Variants in UNC80 observed in about 807,000 individuals in gnomAD.
UNC80 encodes the protein unc-80 subunit of NALCN channel complex.
Under a neutral mutation model 384.6 loss-of-function variants are expected in UNC80, and 164 were observed. That is an observed-to-expected ratio of 0.43 (90% CI 0.38 to 0.49). UNC80 has a LOEUF of 0.49. Ranked by LOEUF, UNC80 falls within the 20% of genes least tolerant of loss-of-function variation. The pLI is 0.00. For synonymous variants in UNC80, 1,486 were observed against 1,527.8 expected (o/e 0.97, Z 0.64); for missense variants, 3,330 against 4,143.0 (o/e 0.80, Z 5.39).
chr2:209,884,932 A>C (rs1458298742), intron 25 of UNC80, among the ~76,000 whole-genome samples: 2 of 152,122 alleles, frequency 1.3e-5, no homozygotes, highest in Admixed American at 6.6e-5. Flanking sequence ...ATCGGGATAA[A>C]TAGCTAATGC....
At chr2:209,913,091 A>G in intron 30 of UNC80, among the ~76,000 whole-genome samples, 1 of 152,232 alleles carries the variant, frequency 6.6e-6, no homozygotes, top group East Asian at 1.9e-4. Flanking sequence ...TTACAACACT[A>G]GACCTGTCCC....
chr2:209,957,103 G>T (rs181490919), intron 48 of UNC80, among the ~76,000 whole-genome samples: 2 of 152,098 alleles, frequency 1.3e-5, no homozygotes, highest in South Asian at 2.1e-4. Context: ...TATTACTAAC[G>T]ATCTAAATTA....
At chr2:209,856,999 AG>A (rs1310226439) in intron 22 of UNC80, among the ~76,000 whole-genome samples, 2 of 152,066 alleles carry the variant, frequency 1.3e-5, no homozygotes, top group Non-Finnish European at 2.9e-5. Flanking sequence ...CATATTGGTC[AG>A]GCTGATCTAG....
Position 209,886,266 on chromosome 2 carries a change from C to T in UNC80, c.4111-1829C>T, listed in dbSNP as rs2085796618. Among the ~76,000 whole-genome samples, 7 of 151,058 alleles carry T rather than the reference C, an allele frequency of 4.6e-5. No homozygotes were observed. The South Asian group carries it at 1.5e-3, about 32-fold the overall frequency. On this transcript the variant is annotated intron_variant, in intron 25 of 64. Transcript: ENST00000673920. The stretch of plus-strand genomic sequence containing the variant: ...TATATTTTTAGGTACTCCAAAAGTG[C>T]TTTATAAGTTAATAATTACATATGA...
In UNC80 at chr2:209,982,149, T is replaced by C. The variant is rs7589103; in HGVS notation, c.9119-30T>C. The C allele has an allele frequency of 2.3e-3, 3,473 of 1,543,540 alleles. 49 individuals are homozygous for C. The African/African-American group carries it at 0.036, about 16-fold the overall frequency. On this transcript the variant is annotated intron_variant, in intron 59 of 64. Coordinates refer to ENST00000673920, the MANE Select transcript of UNC80 (RefSeq NM_001371986.1). ...TTTTTCTGATCAGTGTCATAGTTTTTGTAACACTCTATTCCTTTGCCCCTT... is the reference window on the plus strand; with the variant it reads ...TTTTTCTGATCAGTGTCATAGTTTTCGTAACACTCTATTCCTTTGCCCCTT...
At chr2:209,930,704 C>G (rs2090789063) in intron 37 of UNC80, among the ~76,000 whole-genome samples, 1 of 152,166 alleles carries the variant, frequency 6.6e-6, no homozygotes, top group African/African-American at 2.4e-5. Flanking sequence ...CCTACACACA[C>G]AGTGTCAATT....
At chr2:209,928,671 T>A (rs941483582) in intron 36 of UNC80, among the ~76,000 whole-genome samples, 1 of 152,206 alleles carries the variant, frequency 6.6e-6, no homozygotes, top group Non-Finnish European at 1.5e-5. Context: ...TATTTCTTTG[T>A]GTTAGGAACA....
At chr2:209,817,230 A>C in intron 10 of UNC80, 105 bp downstream of exon 10, 1 of 1,123,882 alleles carries the variant, frequency 8.9e-7, no homozygotes, top group African/African-American at 1.6e-5. Context: ...AATTCAGCCA[A>C]GAAATTTGGG....
intron 5 of UNC80, among the ~76,000 whole-genome samples, chr2:209,787,311 A>T (rs1242104770): frequency 6.6e-6 from 1 of 152,114 alleles, no homozygotes; most frequent in African/African-American, 2.4e-5. Context: ...ATAAAGATGT[A>T]ACTGATTTGA....
intron 35 of UNC80, among the ~76,000 whole-genome samples, chr2:209,923,165 G>A (rs1358018882): frequency 6.6e-6 from 1 of 152,102 alleles, no homozygotes; most frequent in Non-Finnish European, 1.5e-5. Flanking sequence ...TTTCTTAAAG[G>A]TAACTTTGAG....
intron 61 of UNC80, among the ~76,000 whole-genome samples, chr2:209,987,373 A>G (rs1216451787): frequency 1.3e-5 from 2 of 152,190 alleles, no homozygotes; most frequent in African/African-American, 4.8e-5. Context: ...TAGAAACACT[A>G]TGCTTTGCAG....
intron 47 of UNC80, among the ~76,000 whole-genome samples, chr2:209,946,890 G>A (rs112595823): frequency 0.022 from 3,401 of 152,276 alleles, 93 homozygotes; most frequent in South Asian, 0.14. Context: ...AATGAATAAG[G>A]GCCAGGAGGA....
intron 61 of UNC80, among the ~76,000 whole-genome samples, chr2:209,991,828 C>T (rs2093397554): frequency 6.6e-6 from 1 of 152,164 alleles, no homozygotes; most frequent in Admixed American, 6.5e-5. Context: ...CACCGTTTCC[C>T]TTCCCCTTGG....
In UNC80 at chr2:209,976,343, A is replaced by T; in HGVS notation, c.8772+40A>T. On this transcript the variant is annotated intron_variant, in intron 57 of 64. Transcript: ENST00000673920. This position sits in a 1 kb window ranked among gnomAD's most constrained non-coding sequence, Gnocchi z 4.3. Reference sequence around the variant, plus strand: ...TCTCCTCCTGAAAGTGGCAAGCTCAAATGAATGTGTGGCTCTCTACTGAGG... The same window carrying T: ...TCTCCTCCTGAAAGTGGCAAGCTCATATGAATGTGTGGCTCTCTACTGAGG... 1 of 1,551,366 alleles carries T rather than the reference A, an allele frequency of 6.4e-7. No homozygotes were observed. The highest frequency in any genetic ancestry group is 8.7e-7 in the Non-Finnish European group (1 of 1,146,796).
intron 21 of UNC80, among the ~76,000 whole-genome samples, chr2:209,843,713 A>G (rs1000297936): frequency 6.6e-6 from 1 of 152,188 alleles, no homozygotes; most frequent in Non-Finnish European, 1.5e-5. Context: ...TGTTCATATT[A>G]TTACTGAACA....
intron 22 of UNC80, among the ~76,000 whole-genome samples, chr2:209,869,998 C>A (rs1449555767): frequency 6.6e-6 from 1 of 152,120 alleles, no homozygotes; most frequent in Non-Finnish European, 1.5e-5. Context: ...GCAAGCTAAT[C>A]CATATAAGAA....
Position 209,994,233 on chromosome 2 carries a change from T to C in UNC80, c.9677T>C (p.Val3226Ala). The C allele has an allele frequency of 6.4e-7, 1 of 1,551,174 alleles. No homozygotes were observed. Residue 3226 changes from valine (V) to alanine (A), a missense_variant, in exon 64 of 65, where the codon GTT becomes GCT. Val to Ala is a moderately conservative substitution (Grantham distance 64). Coordinates refer to ENST00000673920, the MANE Select transcript of UNC80 (RefSeq NM_001371986.1). ...CTCACATCTTCTCCCGCCATAGTTG[T>C]TGCGGATCTCCACAGCGTGTCTCCC... ...PVLTSSPAIV[V>A]ADLHSVSPKQ...
chr2:209,930,951 T>A lies in UNC80; in HGVS notation c.5908-17T>A. 1 of 1,520,152 alleles carries A rather than the reference T, an allele frequency of 6.6e-7. No homozygotes were observed. The highest frequency in any genetic ancestry group is 8.9e-7 in the Non-Finnish European group (1 of 1,124,926). 94.2% of individuals were successfully genotyped at this position (1,520,152 alleles called of 1,614,324 possible). ...TGGCAGCTGAAGGAAACATTAAAAATTCTGTTCTTCTTTCAGGATGAGTTA... is the reference window on the plus strand; with the variant it reads ...TGGCAGCTGAAGGAAACATTAAAAAATCTGTTCTTCTTTCAGGATGAGTTA... On this transcript the variant is annotated splice_polypyrimidine_tract_variant and intron_variant, in intron 37 of 64. Coordinates refer to ENST00000673920, the MANE Select transcript of UNC80 (RefSeq NM_001371986.1).
At chr2:209,816,405 C>T (rs946545291) in intron 9 of UNC80, among the ~76,000 whole-genome samples, 5 of 152,076 alleles carry the variant, frequency 3.3e-5, no homozygotes, top group East Asian at 1.9e-4. Context: ...CGAACAGTGG[C>T]GCACATTTAA....
Sources: allele counts gnomAD v4.1 joint callset (sites outside exome capture counted in the v4.1 genomes callset), GRCh38; gene constraint gnomAD v4.1.1; non-coding constraint Gnocchi (gnomAD v3.1); transcripts MANE v1.5; gene names NCBI Gene and HGNC (gene_info 2026-07-23, HGNC 2026-07-21).